Variants in TPCN1 observed in about 807,000 individuals in gnomAD.
The protein encoded by TPCN1 is two pore channel protein 1.
TPCN1 carries 52 observed loss-of-function variants against 108.8 expected under a neutral mutation model. The ratio of observed to expected loss-of-function variants is 0.48; its 90% CI spans 0.38 to 0.60. The LOEUF is 0.60. TPCN1 is among the 20% of genes least tolerant of loss of function. The pLI is 0.00. For synonymous variants in TPCN1, 446 were observed against 433.7 expected (o/e 1.03, Z -0.35); for missense variants, 806 against 1,072.8 (o/e 0.75, Z 3.47).
intron 2 of TPCN1, among the ~76,000 whole-genome samples, chr12:113,248,840 G>C (rs981897508): frequency 4.6e-5 from 7 of 152,168 alleles, no homozygotes; most frequent in African/African-American, 1.7e-4. Context: ...GCACACACAC[G>C]ATAGAGGATT....
Position 113,269,486 on chromosome 12 carries a change from TG to T in TPCN1, c.660-270del, listed in dbSNP as rs1049595609. Among the ~76,000 whole-genome samples the T allele has an allele frequency of 1.3e-4, 20 of 152,196 alleles. No individual in the cohort carries two copies. The highest frequency in any genetic ancestry group is 1.8e-4 in the Non-Finnish European group (12 of 68,038). On this transcript the variant is annotated intron_variant, in intron 6 of 27. Transcript: ENST00000335509. The surrounding 1 kb of genome is among the most constrained non-coding windows in gnomAD (Gnocchi z 5.0). ...CAAGGTCATGCCCTTGGCCTTCTGC[TG>T]CTCTGTTCCCTGCTTGCATGGCACT...
At position 113,289,105 on chromosome 12, in the gene TPCN1, C is replaced by T. The variant is rs547324114; in HGVS notation, c.1796+258C>T. 3.9e-5 allele frequency among the ~76,000 whole-genome samples: 6 copies of T among 152,374 alleles called. No individual in the cohort carries two copies. The South Asian group carries it at 8.3e-4, about 21-fold the overall frequency. ...TCTGCCGAGGGCTGGAGGCCACCCC[C>T]ACAGTAGCCTGGGTCCCAAGGTCAA... On this transcript the variant is annotated intron_variant, in intron 21 of 27. Transcript: ENST00000335509. The surrounding 1 kb of genome is among the most constrained non-coding windows in gnomAD (Gnocchi z 4.1).
intron 15 of TPCN1, among the ~76,000 whole-genome samples, chr12:113,280,644 AT>A (rs1955855663): frequency 6.6e-6 from 1 of 152,250 alleles, no homozygotes; most frequent in Admixed American, 6.5e-5. Flanking sequence ...ATTTAAGCTA[AT>A]TAAAATGAAA....
intron 1 of TPCN1, among the ~76,000 whole-genome samples, chr12:113,226,493 G>A (rs946763283): frequency 6.6e-6 from 1 of 152,004 alleles, no homozygotes; most frequent in Non-Finnish European, 1.5e-5. Flanking sequence ...TGTTGGCCAG[G>A]CTGGTCTTGA....
intron 2 of TPCN1, chr12:113,249,647 C>G (rs1372812453): frequency 6.6e-6 from 1 of 152,290 alleles, no homozygotes; most frequent in Non-Finnish European, 1.5e-5. Flanking sequence ...TACTCTGCAG[C>G]AGAGGACCTC....
chr12:113,252,528 A>G (rs1319395709), intron 2 of TPCN1, among the ~76,000 whole-genome samples: 1 of 152,214 alleles, frequency 6.6e-6, no homozygotes, highest in Non-Finnish European at 1.5e-5. Context: ...ACTCGTGTCT[A>G]GTGTCAAGTG....
At chr12:113,278,038 T>C in intron 12 of TPCN1, 151 bp from the exon 13 acceptor site, 1 of 601,988 alleles carries the variant, frequency 1.7e-6, no homozygotes, top group Non-Finnish European at 3.1e-6. Context: ...AGGTAAAGGA[T>C]CCCCCAGCAC....
intron 10 of TPCN1, among the ~76,000 whole-genome samples, chr12:113,274,564 G>A (rs893488686): frequency 6.6e-6 from 1 of 152,178 alleles, no homozygotes; most frequent in Admixed American, 6.5e-5. Context: ...TTGATTTGCG[G>A]TTGGTTGAAT....
chr12:113,266,387 T>A lies in TPCN1; in HGVS notation c.414+31T>A, dbSNP rs1026984083. 5 of 1,596,810 alleles carry A rather than the reference T, an allele frequency of 3.1e-6. No homozygotes were observed. The highest frequency in any genetic ancestry group is 4.2e-6 in the Non-Finnish European group (5 of 1,176,666). On this transcript the variant is annotated intron_variant, in intron 4 of 27. Transcript: ENST00000335509. The surrounding 1 kb of genome is among the most constrained non-coding windows in gnomAD (Gnocchi z 4.2). Reference sequence around the variant, plus strand: ...CGCACATGCTCCTCATACGGGGGGCTGGGAGCCACGGCTTTCAGGGCAAGC... The same window carrying A: ...CGCACATGCTCCTCATACGGGGGGCAGGGAGCCACGGCTTTCAGGGCAAGC...
intron 3 of TPCN1, among the ~76,000 whole-genome samples, chr12:113,265,416 G>A (rs976506215): frequency 2.6e-5 from 4 of 152,154 alleles, no homozygotes; most frequent in African/African-American, 9.7e-5. Flanking sequence ...GGTTCAGCAC[G>A]TGTGGTTCCT....
At position 113,268,997 on chromosome 12, in the gene TPCN1, C is replaced by G; in HGVS notation, c.659+125C>G. ...ACCCTGCATGCTGGTGGAGTACACG[C>G]AGACTCACTCTCCCTCTGCCATTCC... On this transcript the variant is annotated intron_variant, in intron 6 of 27. Coordinates refer to ENST00000335509, the MANE Select transcript of TPCN1 (RefSeq NM_017901.6). The surrounding 1 kb of genome is among the most constrained non-coding windows in gnomAD (Gnocchi z 7.3). 3 of 1,069,186 alleles carry G rather than the reference C, an allele frequency of 2.8e-6. No individual in the cohort carries two copies. Among genetic ancestry groups the G allele is most frequent in the Non-Finnish European group, 4.1e-6 (3 of 727,762 alleles). 66.2% of individuals were successfully genotyped at this position (1,069,186 alleles called of 1,614,324 possible).
intron 2 of TPCN1, among the ~76,000 whole-genome samples, chr12:113,256,786 T>C (rs2136556511): frequency 6.6e-6 from 1 of 152,278 alleles, no homozygotes; most frequent in East Asian, 1.9e-4. Flanking sequence ...CTCCCCACCT[T>C]AGCCTGATGT....
At chr12:113,235,368 A>G (rs987501885) in intron 2 of TPCN1, among the ~76,000 whole-genome samples, 4 of 152,126 alleles carry the variant, frequency 2.6e-5, no homozygotes, top group African/African-American at 9.7e-5. Flanking sequence ...TCTTCATCCT[A>G]TGCAACTTTA....
At chr12:113,263,024 A>G (rs769335634) in intron 3 of TPCN1, among the ~76,000 whole-genome samples, 3 of 152,192 alleles carry the variant, frequency 2.0e-5, no homozygotes, top group Non-Finnish European at 2.9e-5. Flanking sequence ...CTGGTGTTGT[A>G]TGATCATTTT....
In TPCN1 at chr12:113,235,749, G is replaced by C. The variant is rs75204013; in HGVS notation, c.112+8785G>C. On this transcript the variant is annotated intron_variant, in intron 2 of 27. Transcript: ENST00000335509. Reference sequence around the variant, plus strand: ...GGTGTATAACTCTAGAAGGGTTTAGGGGAGGTGGACATGGCTTCCCAAGAA... The same window carrying C: ...GGTGTATAACTCTAGAAGGGTTTAGCGGAGGTGGACATGGCTTCCCAAGAA... Among the ~76,000 whole-genome samples, 394 of 152,258 alleles carry C rather than the reference G, an allele frequency of 2.6e-3. 4 individuals carry two copies. Among genetic ancestry groups the C allele is most frequent in the East Asian group, 8.7e-3 (45 of 5,160 alleles).
chr12:113,297,180 C>A lies in TPCN1; in HGVS notation c.*1104C>A, dbSNP rs568309517. 7.6e-4 allele frequency: 116 copies of A among 152,520 alleles called. No homozygotes were observed. Among genetic ancestry groups the A allele is most frequent in the Non-Finnish European group, 1.3e-3 (90 of 67,978 alleles). The allele number at this position is 152,520 out of a possible 1,614,324, so 9.4% of individuals were successfully genotyped here. A position where few individuals can be genotyped will look rare whatever the true frequency, so the allele number is the denominator to read the frequency against. ...GCCACCCCTCCTCCCACCATGGTAC[C>A]CTGTAGGAGCCCTGTATGACATCTG... On this transcript the variant is annotated 3_prime_UTR_variant, in exon 28 of 28. Coordinates refer to ENST00000335509, the MANE Select transcript of TPCN1 (RefSeq NM_017901.6). This position sits in a 1 kb window ranked among gnomAD's most constrained non-coding sequence, Gnocchi z 4.4.
intron 14 of TPCN1, among the ~76,000 whole-genome samples, chr12:113,279,337 GTATATATATGTGTGTGTGTGTGTATATA>G (rs1419143633): frequency 1.7e-4 from 17 of 100,432 alleles, no homozygotes; most frequent in Admixed American, 3.6e-4. Flanking sequence ...GTGTGTGTGT[GTATATATATGTGTGTGTGTGTGTATATA>G]TATATATATA....
rs201259067 is a variant in TPCN1 at position 113,260,517 on chromosome 12, G to A, written c.237+25G>A. ...GGTGAGTATCTCCAGTCAGGCCCTG[G>A]CAGTTGTCTGCACCTGTTGGTGGGG... On this transcript the variant is annotated intron_variant, in intron 3 of 27. Transcript: ENST00000335509. 177 of 1,560,020 alleles carry A rather than the reference G, an allele frequency of 1.1e-4. 3 individuals carry two copies. The Middle Eastern group carries it at 2.6e-3, about 23-fold the overall frequency.
At chr12:113,245,371 G>C (rs1954320769) in intron 2 of TPCN1, among the ~76,000 whole-genome samples, 3 of 121,424 alleles carry the variant, frequency 2.5e-5, no homozygotes, top group East Asian at 3.0e-4. Flanking sequence ...GCCGAGGCGG[G>C]CGGATCACGA....
Sources: allele counts gnomAD v4.1 joint callset (sites outside exome capture counted in the v4.1 genomes callset), GRCh38; gene constraint gnomAD v4.1.1; non-coding constraint Gnocchi (gnomAD v3.1); transcripts MANE v1.5; gene names NCBI Gene and HGNC (gene_info 2026-07-23, HGNC 2026-07-21).